The following PAK5 variants were observed in gnomAD, a reference collection of about 807,000 sequenced individuals.
PAK5 encodes the protein serine/threonine-protein kinase PAK 5.
PAK5 carries 16 observed loss-of-function variants against 65.9 expected under a neutral mutation model. The observed-to-expected ratio is 0.24, with a 90% CI of 0.16 to 0.37. The LOEUF (loss-of-function observed/expected upper bound fraction) is 0.37, where lower values mean the gene tolerates loss of function less well. Among genes scored for constraint, PAK5 ranks in the 10% least tolerant of loss-of-function variants. PAK5 has a pLI of 1.00. For missense variants in PAK5, 785 were observed against 903.9 expected (o/e 0.87, Z 1.69); for synonymous variants, 371 against 354.9 (o/e 1.05, Z -0.51).
At chr20:9,779,074 G>A (rs2006693) in intron 1 of PAK5, among the ~76,000 whole-genome samples, 114,545 of 152,000 alleles carry the variant, frequency 0.75, 43,190 homozygotes, top group African/African-American at 0.81. Flanking sequence ...ACAGTGCCTA[G>A]TACAGCATCC....
At chr20:9,764,820 T>G (rs1473243428) in intron 1 of PAK5, among the ~76,000 whole-genome samples, 1 of 152,182 alleles carries the variant, frequency 6.6e-6, no homozygotes, top group African/African-American at 2.4e-5. Context: ...TGGAAATGCA[T>G]AGAACTAAAT....
chr20:9,629,057 C>T (rs779197576), intron 3 of PAK5, among the ~76,000 whole-genome samples: 8 of 152,132 alleles, frequency 5.3e-5, no homozygotes, highest in Non-Finnish European at 1.0e-4. Context: ...CTCAGTACCC[C>T]ATTCCCTCAG....
intron 2 of PAK5, among the ~76,000 whole-genome samples, chr20:9,675,219 TAA>T (rs1268839977): frequency 1.3e-5 from 2 of 152,008 alleles, no homozygotes; most frequent in Admixed American, 6.6e-5. Context: ...GGAGAAGAGT[TAA>T]AAAATGACAA....
intron 8 of PAK5, among the ~76,000 whole-genome samples, chr20:9,543,892 T>G (rs868194485): frequency 1.3e-5 from 2 of 152,218 alleles, no homozygotes; most frequent in Admixed American, 6.5e-5. Flanking sequence ...TATTATTTTT[T>G]TCCTATGAGA....
intron 1 of PAK5, among the ~76,000 whole-genome samples, chr20:9,748,318 C>A (rs888226904): frequency 2.0e-5 from 3 of 152,062 alleles, no homozygotes; most frequent in Non-Finnish European, 4.4e-5. Context: ...ACTTCCTTCA[C>A]AGAATTGGAA....
chr20:9,817,428 G>A (rs2049369933), intron 1 of PAK5, among the ~76,000 whole-genome samples: 1 of 152,078 alleles, frequency 6.6e-6, no homozygotes, highest in Non-Finnish European at 1.5e-5. Context: ...ACACACAATA[G>A]TGATCTCTTA....
At chr20:9,704,838 C>T (rs977047346) in intron 2 of PAK5, among the ~76,000 whole-genome samples, 1 of 152,146 alleles carries the variant, frequency 6.6e-6, no homozygotes, top group Non-Finnish European at 1.5e-5. Context: ...CTATGTGACA[C>T]GCAACACCTC....
chr20:9,726,566 A>T (rs1249856194), intron 1 of PAK5, among the ~76,000 whole-genome samples: 1 of 152,166 alleles, frequency 6.6e-6, no homozygotes, highest in Non-Finnish European at 1.5e-5. Flanking sequence ...GTCAAAATTG[A>T]GTACAGGGAT....
intron 8 of PAK5, among the ~76,000 whole-genome samples, chr20:9,544,061 C>T (rs1005097723): frequency 2.6e-5 from 4 of 152,180 alleles, no homozygotes; most frequent in Admixed American, 1.3e-4. Flanking sequence ...TTGCAAGTTG[C>T]ATTGCCTTGC....
intron 2 of PAK5, among the ~76,000 whole-genome samples, chr20:9,697,454 T>C (rs2123451213): frequency 6.6e-6 from 1 of 152,190 alleles, no homozygotes; most frequent in African/African-American, 2.4e-5. Context: ...CCACCAGTCT[T>C]CTAGACCCAG....
At chr20:9,810,517 G>A (rs543791752) in intron 1 of PAK5, among the ~76,000 whole-genome samples, 4 of 152,254 alleles carry the variant, frequency 2.6e-5, no homozygotes, top group Non-Finnish European at 5.9e-5. Context: ...CTGCACTCCC[G>A]CCTGGGTGAC....
chr20:9,610,707 A>G (rs1413511028), intron 3 of PAK5, among the ~76,000 whole-genome samples: 1 of 152,016 alleles, frequency 6.6e-6, no homozygotes, highest in East Asian at 1.9e-4. Flanking sequence ...CTCCCTCGGC[A>G]TCTGTGTGCT....
rs1031406245 is a variant in PAK5 at position 9,537,570 on chromosome 20, C to A, written c.*1892G>T. On this transcript the variant is annotated 3_prime_UTR_variant, in exon 10 of 10. Transcript: ENST00000353224. Reference sequence around the variant, plus strand: ...GTCGAAAATGTTTGGAATCCAAAATCCACTATTTTCTGCAATAGTTTTTAA... The same window carrying A: ...GTCGAAAATGTTTGGAATCCAAAATACACTATTTTCTGCAATAGTTTTTAA... 1 of 208,858 alleles carries A rather than the reference C, an allele frequency of 4.8e-6. No individual in the cohort carries two copies. Among genetic ancestry groups the A allele is most frequent in the Non-Finnish European group, 9.8e-6 (1 of 102,394 alleles). The allele number at this position is 208,858 out of a possible 1,614,324, so 12.9% of individuals were successfully genotyped here. A position where few individuals can be genotyped will look rare whatever the true frequency, so the allele number is the denominator to read the frequency against.
At chr20:9,606,637 A>G (rs1444800138) in intron 3 of PAK5, among the ~76,000 whole-genome samples, 1 of 152,192 alleles carries the variant, frequency 6.6e-6, no homozygotes, top group Non-Finnish European at 1.5e-5. Flanking sequence ...AAGTTCAAAA[A>G]CCAGCAAAAT....
chr20:9,705,246 A>G (rs947688185), intron 2 of PAK5, among the ~76,000 whole-genome samples: 1 of 152,078 alleles, frequency 6.6e-6, no homozygotes, highest in Non-Finnish European at 1.5e-5. Flanking sequence ...AATTAAAAAA[A>G]AAATGGAAAA....
intron 1 of PAK5, among the ~76,000 whole-genome samples, chr20:9,779,354 A>ACATATATATAAT (rs1555925862): frequency 6.7e-6 from 1 of 149,118 alleles, no homozygotes; most frequent in East Asian, 1.9e-4. Context: ...TTTGTCTAAT[A>ACATATATATAAT]TATATATATA....
chr20:9,539,155 G>A lies in PAK5; in HGVS notation c.*307C>T, dbSNP rs1330981746. 4.1e-6 allele frequency: 1 copy of A among 246,518 alleles called. No individual in the cohort carries two copies. The highest frequency in any genetic ancestry group is 5.7e-5 in the Admixed American group (1 of 17,494). 15.3% of individuals were successfully genotyped at this position (246,518 alleles called of 1,614,324 possible). A position where few individuals can be genotyped will look rare whatever the true frequency, so the allele number is the denominator to read the frequency against. ...GAAAATCCTACATGTTACCCTGCAT[G>A]TGGCTAGGATATATCATAACGGAGT... is the stretch of plus-strand genomic sequence containing the variant. On this transcript the variant is annotated 3_prime_UTR_variant, in exon 10 of 10. Coordinates refer to ENST00000353224, the MANE Select transcript of PAK5 (RefSeq NM_177990.4).
chr20:9,789,532 T>C (rs2049027577), intron 1 of PAK5, among the ~76,000 whole-genome samples: 1 of 152,120 alleles, frequency 6.6e-6, no homozygotes, highest in African/African-American at 2.4e-5. Flanking sequence ...TTGTATACAG[T>C]GTTTACTTTT....
chr20:9,643,002 C>G (rs1418545788), intron 3 of PAK5, among the ~76,000 whole-genome samples: 4 of 152,202 alleles, frequency 2.6e-5, no homozygotes, highest in South Asian at 2.1e-4. Context: ...CTAATTTAGT[C>G]AGGTCAGGTG....
Sources: allele counts gnomAD v4.1 joint callset (sites outside exome capture counted in the v4.1 genomes callset), GRCh38; gene constraint gnomAD v4.1.1; transcripts MANE v1.5; gene names NCBI Gene and HGNC (gene_info 2026-07-23, HGNC 2026-07-21).